ANKRD44: variants seen among roughly 807,000 people sequenced by gnomAD.
The protein encoded by ANKRD44 is serine/threonine-protein phosphatase 6 regulatory ankyrin repeat subunit B.
ANKRD44 carries 35 observed loss-of-function variants against 116.0 expected under a neutral mutation model. That is an observed-to-expected ratio of 0.30 (90% CI 0.23 to 0.40). The LOEUF is 0.40. Ranked by LOEUF, ANKRD44 falls within the 10% of genes least tolerant of loss-of-function variation. The pLI is 1.00. For missense variants in ANKRD44, 1,014 were observed against 1,242.6 expected, an observed-to-expected ratio of 0.82 and a Z score of 2.77; for synonymous variants, 435 against 461.8, an observed-to-expected ratio of 0.94 and a Z score of 0.74.
chr2:197,122,834 G>T, intron 6 of ANKRD44, 42 bp from the exon 7 acceptor site: 1 of 1,592,916 alleles, frequency 6.3e-7, no homozygotes, highest in African/African-American at 1.3e-5. Context: ...AACCTTTATA[G>T]GACAATTTGC....
At chr2:197,159,021 A>G (rs1236173513) in intron 2 of ANKRD44, among the ~76,000 whole-genome samples, 1 of 152,126 alleles carries the variant, frequency 6.6e-6, no homozygotes, top group Non-Finnish European at 1.5e-5. Flanking sequence ...ACACACATAC[A>G]CACGGTATTA....
intron 2 of ANKRD44, among the ~76,000 whole-genome samples, chr2:197,153,225 C>CAAAAAAA (rs75600123): frequency 6.9e-4 from 48 of 69,268 alleles, no homozygotes; most frequent in East Asian, 1.4e-3. Flanking sequence ...AAGACCCTGC[C>CAAAAAAA]AAAAAAAAAA....
At chr2:197,162,621 C>T (rs1368331620) in intron 2 of ANKRD44, among the ~76,000 whole-genome samples, 5 of 152,150 alleles carry the variant, frequency 3.3e-5, no homozygotes, top group Non-Finnish European at 1.5e-5. Context: ...ATTTTTGGGT[C>T]ACTCGAAAGT....
At chr2:197,030,830 T>G (rs72922694) in intron 16 of ANKRD44, among the ~76,000 whole-genome samples, 252 of 152,234 alleles carry the variant, frequency 1.7e-3, no homozygotes, top group Admixed American at 3.5e-3. Context: ...GGTGGTGGTG[T>G]TGTTTTTTAC....
At position 197,083,509 on chromosome 2, in the gene ANKRD44, C is replaced by T; in HGVS notation, c.1317G>A (p.Arg439=). ...TCGCAGCTGCATAGTGCAAAGGGGT[C>T]CTGAAAAACAAACAGCAATTTATTA... ...ADFHKKDKCG[R]TPLHYAAANC... Residue 439 remains arginine, a splice_region_variant and synonymous_variant, in exon 14 of 28, where the codon AGG becomes AGA. Coordinates refer to ENST00000282272, the MANE Select transcript of ANKRD44 (RefSeq NM_001195144.2). The T allele has an allele frequency of 6.2e-7, 1 of 1,607,838 alleles. No individual in the cohort carries two copies. Among genetic ancestry groups the T allele is most frequent in the Non-Finnish European group, 8.5e-7 (1 of 1,176,796 alleles).
At chr2:197,057,762 G>C (rs1290363967) in intron 16 of ANKRD44, among the ~76,000 whole-genome samples, 1 of 152,220 alleles carries the variant, frequency 6.6e-6, no homozygotes, top group African/African-American at 2.4e-5. Context: ...GGAGGCTGAG[G>C]TGGGAGGATC....
chr2:197,162,843 A>T (rs1451016862), intron 2 of ANKRD44, among the ~76,000 whole-genome samples: 4 of 152,230 alleles, frequency 2.6e-5, no homozygotes, highest in Non-Finnish European at 5.9e-5. Flanking sequence ...TCTGGCATAC[A>T]GTCAGTGCTC....
At chr2:197,229,905 A>G (rs1559168311) in intron 1 of ANKRD44, among the ~76,000 whole-genome samples, 1 of 152,172 alleles carries the variant, frequency 6.6e-6, no homozygotes, top group Non-Finnish European at 1.5e-5. Flanking sequence ...GTGCTTATCC[A>G]TATCTTGGGA....
At chr2:197,240,330 G>A (rs1041005641) in intron 1 of ANKRD44, among the ~76,000 whole-genome samples, 3 of 140,090 alleles carry the variant, frequency 2.1e-5, no homozygotes, top group African/African-American at 5.5e-5. Context: ...AGCCAAGATC[G>A]CACCACTGCA....
At chr2:197,046,058 T>G (rs1477009050) in intron 16 of ANKRD44, among the ~76,000 whole-genome samples, 2 of 152,228 alleles carry the variant, frequency 1.3e-5, no homozygotes, top group Non-Finnish European at 2.9e-5. Flanking sequence ...GTGCTTAATA[T>G]GTAGTGAATA....
intron 8 of ANKRD44, among the ~76,000 whole-genome samples, chr2:197,113,988 G>A (rs1168786950): frequency 6.6e-6 from 1 of 152,156 alleles, no homozygotes; most frequent in East Asian, 1.9e-4. Flanking sequence ...TGGTATGGGT[G>A]TAAAGGGAGC....
intron 25 of ANKRD44, among the ~76,000 whole-genome samples, chr2:196,997,808 G>GA (rs34898441): frequency 0.67 from 100,420 of 150,356 alleles, 37,113 homozygotes; most frequent in East Asian, 0.96. Context: ...ACCACTATTT[G>GA]AAAAAAAAAA....
intron 16 of ANKRD44, among the ~76,000 whole-genome samples, chr2:197,034,958 A>C (rs1209552553): frequency 6.6e-6 from 1 of 152,210 alleles, no homozygotes; most frequent in East Asian, 1.9e-4. Context: ...CAAGAATATT[A>C]TTGTATTTGA....
chr2:196,995,266 T>C, intron 26 of ANKRD44, 113 bp downstream of exon 26: 4 of 625,974 alleles, frequency 6.4e-6, no homozygotes, highest in Non-Finnish European at 1.1e-5. Context: ...CAGGACTGCA[T>C]CTTTCACCAC....
intron 25 of ANKRD44, 74 bp downstream of exon 25, chr2:196,998,263 G>A: frequency 1.8e-6 from 2 of 1,140,196 alleles, no homozygotes; most frequent in Admixed American, 3.7e-5. Flanking sequence ...ACAGTTCCGA[G>A]GTAGAATTTC....
At position 197,125,367 on chromosome 2, in the gene ANKRD44, C is replaced by A. The variant is rs1449871350; in HGVS notation, c.550+14G>T. The A allele has an allele frequency of 3.1e-6, 5 of 1,612,178 alleles. No homozygotes were observed. Among genetic ancestry groups the A allele is most frequent in the Non-Finnish European group, 8.5e-7 (1 of 1,178,290 alleles). The stretch of plus-strand genomic sequence containing the variant: ...GGTTATCTGTACTTTGCTTTCCATG[C>A]ATGGAATCCTTACCCATGTATGCTG... On this transcript the variant is annotated intron_variant, in intron 6 of 27. Coordinates refer to ENST00000282272, the MANE Select transcript of ANKRD44 (RefSeq NM_001195144.2).
chr2:197,309,882 C>G (rs1428336696), intron 1 of ANKRD44, among the ~76,000 whole-genome samples: 1 of 152,140 alleles, frequency 6.6e-6, no homozygotes, highest in African/African-American at 2.4e-5. Context: ...CAGAGCTGCC[C>G]TGTGTGGTGT....
intron 8 of ANKRD44, among the ~76,000 whole-genome samples, chr2:197,116,286 GAATT>G (rs2078705742): frequency 6.6e-6 from 1 of 152,172 alleles, no homozygotes; most frequent in Admixed American, 6.5e-5. Context: ...ACAACTCTGT[GAATT>G]AATTAAGTGG....
In ANKRD44 at chr2:197,278,409, T is replaced by C. The variant is rs550116073; in HGVS notation, c.27+32169A>G. On this transcript the variant is annotated intron_variant, in intron 1 of 27. Transcript: ENST00000282272. ...TCTTGCTCTGTCGCCCAGGCTGGAG[T>C]GCAGTGGTGTGATCTCGGCTCACTG... Among the ~76,000 whole-genome samples, 6 of 152,120 alleles carry C rather than the reference T, an allele frequency of 3.9e-5. No homozygotes were observed. In the South Asian group the frequency reaches 6.2e-4, roughly 16 times the overall value.
Sources: allele counts gnomAD v4.1 joint callset (sites outside exome capture counted in the v4.1 genomes callset), GRCh38; gene constraint gnomAD v4.1.1; transcripts MANE v1.5; gene names NCBI Gene and HGNC (gene_info 2026-07-23, HGNC 2026-07-21).